Variants in SLC13A1 observed in about 807,000 individuals in gnomAD.
SLC13A1 encodes Na(+)/sulfate cotransporter.
SLC13A1 carries 65 observed loss-of-function variants against 70.0 expected under a neutral mutation model. The ratio of observed to expected loss-of-function variants is 0.93; its 90% CI spans 0.76 to 1.14. The LOEUF (loss-of-function observed/expected upper bound fraction) is 1.14, where lower values mean the gene tolerates loss of function less well. Ranked by LOEUF, SLC13A1 falls within the 50% of genes most tolerant of loss-of-function variation. The pLI, the probability that SLC13A1 is intolerant of heterozygous loss-of-function variation, is 0.00. For missense variants in SLC13A1, 726 were observed against 717.8 expected, an observed-to-expected ratio of 1.01 and a Z score of -0.13; for synonymous variants, 275 against 250.5, an observed-to-expected ratio of 1.10 and a Z score of -0.92.
chr7:123,168,719 T>C (rs1795155789), intron 4 of SLC13A1, among the ~76,000 whole-genome samples, 158 bp from the exon 5 acceptor site: 1 of 152,290 alleles, frequency 6.6e-6, no homozygotes, highest in East Asian at 1.9e-4. Flanking sequence ...AATACAAATA[T>C]CCTCCCAACA....
At chr7:123,182,702 T>TA (rs1795678700) in intron 1 of SLC13A1, among the ~76,000 whole-genome samples, 1 of 152,080 alleles carries the variant, frequency 6.6e-6, no homozygotes, top group African/African-American at 2.4e-5. Context: ...GTGTTGAACA[T>TA]CCATGTCAAC....
Position 123,124,320 on chromosome 7 carries a change from C to G in SLC13A1, c.1241-1085G>C, listed in dbSNP as rs927689514. Reference sequence around the variant, plus strand: ...GGGCTTTGACTGCAATGATCAGAGTCCTTGGGGTCCCATAGGAATCAATGC... The same window carrying G: ...GGGCTTTGACTGCAATGATCAGAGTGCTTGGGGTCCCATAGGAATCAATGC... On this transcript the variant is annotated intron_variant, in intron 11 of 14. Coordinates refer to ENST00000194130, the MANE Select transcript of SLC13A1 (RefSeq NM_022444.4). 2.6e-5 allele frequency among the ~76,000 whole-genome samples: 4 copies of G among 152,232 alleles called. No homozygotes were observed. In the South Asian group the frequency reaches 8.3e-4, roughly 32 times the overall value.
chr7:123,128,921 G>A lies in SLC13A1; in HGVS notation c.1057C>T (p.Leu353Phe), dbSNP rs781126853. 19 of 1,613,050 alleles carry A rather than the reference G, an allele frequency of 1.2e-5. No homozygotes were observed. The highest frequency in any genetic ancestry group is 1.6e-4 in the Middle Eastern group (1 of 6,080). The change falls in exon 10 of 15, where the codon CTC becomes TTC. Residue 353 changes from leucine to phenylalanine, a missense_variant. Physicochemically the swap from Leu to Phe is conservative, Grantham distance 22. Coordinates refer to ENST00000194130, the MANE Select transcript of SLC13A1 (RefSeq NM_022444.4). ...CATAGCAGAGCCATTATAATGAAGAGGACCAAGGTCACAATTTCTTGATAC... is the reference window on the plus strand; with the variant it reads ...CATAGCAGAGCCATTATAATGAAGAAGACCAAGGTCACAATTTCTTGATAC... ...IRYQEIVTLV[L>F]FIIMALLWFS...
At chr7:123,118,409 C>T (rs1195885753) in intron 13 of SLC13A1, among the ~76,000 whole-genome samples, 2 of 152,168 alleles carry the variant, frequency 1.3e-5, no homozygotes, top group Non-Finnish European at 1.5e-5. Context: ...GAGCTTGTAG[C>T]AGCATAATTC....
chr7:123,162,593 T>C (rs1357649537), intron 6 of SLC13A1, among the ~76,000 whole-genome samples: 1 of 152,092 alleles, frequency 6.6e-6, no homozygotes, highest in Non-Finnish European at 1.5e-5. Flanking sequence ...AGAAGAATAA[T>C]GAAGGAGAGC....
intron 6 of SLC13A1, among the ~76,000 whole-genome samples, chr7:123,159,713 C>T (rs12537296): frequency 0.31 from 46,441 of 151,604 alleles, 7,257 homozygotes; most frequent in African/African-American, 0.37. Context: ...TGCATAGGAA[C>T]GCAGGAAGAA....
chr7:123,167,670 G>A (rs1795120115), intron 6 of SLC13A1, among the ~76,000 whole-genome samples: 1 of 151,998 alleles, frequency 6.6e-6, no homozygotes, highest in Non-Finnish European at 1.5e-5. Flanking sequence ...TGAATTCTAT[G>A]GGATAGTTTA....
chr7:123,126,518 G>T (rs1793565641), intron 10 of SLC13A1, among the ~76,000 whole-genome samples: 1 of 152,048 alleles, frequency 6.6e-6, no homozygotes, highest in South Asian at 2.1e-4. Flanking sequence ...AGCCTGAGAA[G>T]AAATATGTAC....
chr7:123,125,737 C>T (rs995247293), intron 10 of SLC13A1, 62 bp from the exon 11 acceptor site: 22 of 1,187,032 alleles, frequency 1.9e-5, no homozygotes, highest in Non-Finnish European at 2.7e-5. Flanking sequence ...AGCTAAAACA[C>T]CAATTTTGCT....
At chr7:123,199,442 G>T (rs889045473) in intron 1 of SLC13A1, among the ~76,000 whole-genome samples, 1 of 152,150 alleles carries the variant, frequency 6.6e-6, no homozygotes, top group South Asian at 2.1e-4. Context: ...CTGGACCTAG[G>T]ATTTCCCTTG....
At chr7:123,124,649 A>G (rs1052675348) in intron 11 of SLC13A1, among the ~76,000 whole-genome samples, 28 of 152,088 alleles carry the variant, frequency 1.8e-4, no homozygotes, top group African/African-American at 6.8e-4. Context: ...GTTGTAAAGC[A>G]AAGATATGGA....
intron 8 of SLC13A1, among the ~76,000 whole-genome samples, chr7:123,130,918 T>C (rs1310542488): frequency 6.6e-6 from 1 of 152,156 alleles, no homozygotes; most frequent in Non-Finnish European, 1.5e-5. Flanking sequence ...TCTTCGAAAC[T>C]GAACAGTTTT....
chr7:123,182,999 C>G lies in SLC13A1; in HGVS notation c.100-1898G>C, dbSNP rs1795688525. Reference sequence around the variant, plus strand: ...TTCTATATCCAAAGAATCTTCTTTACACACTTCCTTGATATTTGAGTTCTG... The same window carrying G: ...TTCTATATCCAAAGAATCTTCTTTAGACACTTCCTTGATATTTGAGTTCTG... On this transcript the variant is annotated intron_variant, in intron 1 of 14. Transcript: ENST00000194130. 2.0e-5 allele frequency among the ~76,000 whole-genome samples: 3 copies of G among 152,110 alleles called. No individual in the cohort carries two copies. The South Asian group carries it at 6.2e-4, about 31-fold the overall frequency.
At chr7:123,176,780 C>G (rs1795459526) in intron 2 of SLC13A1, among the ~76,000 whole-genome samples, 1 of 152,142 alleles carries the variant, frequency 6.6e-6, no homozygotes, top group African/African-American at 2.4e-5. Flanking sequence ...ATCCCACACC[C>G]TCCTGGTTCT....
chr7:123,156,855 C>G (rs1794732120), intron 6 of SLC13A1, among the ~76,000 whole-genome samples: 1 of 152,100 alleles, frequency 6.6e-6, no homozygotes, highest in Non-Finnish European at 1.5e-5. Context: ...AGATGAATCA[C>G]TGACAACTCT....
intron 10 of SLC13A1, among the ~76,000 whole-genome samples, chr7:123,127,117 A>T (rs1180023492): frequency 6.6e-6 from 1 of 152,146 alleles, no homozygotes; most frequent in Non-Finnish European, 1.5e-5. Context: ...GAATGCAGTT[A>T]GGTTGTCTCA....
At chr7:123,166,411 T>A (rs1795077168) in intron 6 of SLC13A1, among the ~76,000 whole-genome samples, 1 of 152,002 alleles carries the variant, frequency 6.6e-6, no homozygotes, top group East Asian at 1.9e-4. Context: ...TTTTTTATTA[T>A]ACTTTAAGTT....
intron 2 of SLC13A1, among the ~76,000 whole-genome samples, chr7:123,175,380 C>T (rs1234326472): frequency 2.6e-5 from 4 of 152,004 alleles, no homozygotes; most frequent in Admixed American, 1.3e-4. Context: ...TTTTCATTTT[C>T]CCTTATCTCT....
At chr7:123,141,407 T>C (rs116658348) in intron 7 of SLC13A1, among the ~76,000 whole-genome samples, 107 of 152,320 alleles carry the variant, frequency 7.0e-4, no homozygotes, top group African/African-American at 2.5e-3. Flanking sequence ...AAATGTTCTG[T>C]AAATATCTAT....
Sources: allele counts gnomAD v4.1 joint callset (sites outside exome capture counted in the v4.1 genomes callset), GRCh38; gene constraint gnomAD v4.1.1; transcripts MANE v1.5; gene names NCBI Gene and HGNC (gene_info 2026-07-23, HGNC 2026-07-21).